TPM2: variants seen among roughly 807,000 people sequenced by gnomAD.
TPM2 encodes tropomyosin beta chain.
TPM2 carries 26 observed loss-of-function variants against 41.0 expected under a neutral mutation model. The ratio of observed to expected loss-of-function variants is 0.63; its 90% CI spans 0.46 to 0.88. The LOEUF is 0.88. Ranked by LOEUF, TPM2 falls within the 40% of genes least tolerant of loss-of-function variation. The pLI is 0.00. For synonymous variants in TPM2, 143 were observed against 139.3 expected, an observed-to-expected ratio of 1.03 and a Z score of -0.19; for missense variants, 187 against 355.2, an observed-to-expected ratio of 0.53 and a Z score of 3.81.
chr9:35,689,108 C>G (rs1162749875), intron 2 of TPM2, 38 bp downstream of exon 2: 2 of 1,613,754 alleles, frequency 1.2e-6, no homozygotes, highest in South Asian at 1.1e-5. Flanking sequence ...CTTCCCAGAG[C>G]CCTAACTCCT....
At chr9:35,690,048 T>C, upstream of TPM2, 1 of 1,351,196 alleles carries the variant, frequency 7.4e-7, no homozygotes, top group Non-Finnish European at 9.5e-7. Flanking sequence ...GGCCGGGGGG[T>C]GCGGCCGCCC....
intron 2 of TPM2, among the ~76,000 whole-genome samples, chr9:35,686,119 G>A (rs1824895044): frequency 6.6e-6 from 1 of 152,134 alleles, no homozygotes. Flanking sequence ...GCATGGTGGC[G>A]CATGCCTGTA....
chr9:35,684,607 C>T, intron 6 of TPM2, 57 bp from the exon 7 acceptor site: 1 of 1,613,658 alleles, frequency 6.2e-7, no homozygotes, highest in Non-Finnish European at 8.5e-7. Context: ...CTTCATTTCT[C>T]CATTGTACCC....
At chr9:35,689,301 C>G in intron 1 of TPM2, 30 bp from the exon 2 acceptor site, 7 of 1,613,548 alleles carry the variant, frequency 4.3e-6, no homozygotes, top group Non-Finnish European at 5.9e-6. Context: ...GTCAGCCAGG[C>G]TGGGAGGGGG....
downstream of TPM2, chr9:35,682,187 G>A: frequency 6.2e-7 from 1 of 1,612,932 alleles, no homozygotes; most frequent in Non-Finnish European, 8.5e-7. Context: ...CAGCAGGTGA[G>A]GGAGAAGGGA....
rs767036414 is a variant in TPM2, at chr9:35,689,681, G to A, written c.114+23C>T. On this transcript the variant is annotated intron_variant, in intron 1 of 8. Coordinates refer to ENST00000645482, the MANE Select transcript of TPM2 (RefSeq NM_003289.4). ...CTTGCCCTAGGCGCGGGGAGAGCAG[G>A]CTGCACTGGGCCCGGCCCTAACCTG... 16 of 1,611,172 alleles carry A rather than the reference G, an allele frequency of 9.9e-6. No individual in the cohort carries two copies. The Admixed American group carries it at 2.5e-4, about 25-fold the overall frequency.
chr9:35,689,047 C>G, intron 2 of TPM2, 99 bp downstream of exon 2: 1 of 1,388,082 alleles, frequency 7.2e-7, no homozygotes, highest in Non-Finnish European at 1.0e-6. Context: ...GCGCTGGGGA[C>G]ATAAGGGGAT....
downstream of TPM2, chr9:35,682,275 T>G (rs1824607178): frequency 4.2e-6 from 5 of 1,180,518 alleles, no homozygotes; most frequent in Admixed American, 3.9e-5. Flanking sequence ...GGAAGACACA[T>G]GCATTCACGG....
downstream of TPM2, chr9:35,682,269 G>T: frequency 8.2e-7 from 1 of 1,223,450 alleles, no homozygotes. Context: ...GGTCAAGGAA[G>T]ACACATGCAT....
At position 35,683,249 on chromosome 9, in the gene TPM2, G is replaced by T. The variant is rs1563926690; in HGVS notation, c.773-8C>A. ...TCTGGGCATAGACTTCATCTGGGGG[G>T]GGTCCAGGGAGGGGACCAGGTGGGA... On this transcript the variant is annotated splice_polypyrimidine_tract_variant and splice_region_variant and intron_variant, in intron 8 of 8. Coordinates refer to ENST00000645482, the MANE Select transcript of TPM2 (RefSeq NM_003289.4). 4 of 1,552,618 alleles carry T rather than the reference G, an allele frequency of 2.6e-6. No homozygotes were observed. The highest frequency in any genetic ancestry group is 1.2e-5 in the South Asian group (1 of 84,360).
At chr9:35,689,438 T>C (rs1385738095) in intron 1 of TPM2, 167 bp from the exon 2 acceptor site, 74 of 967,906 alleles carry the variant, frequency 7.6e-5, no homozygotes, top group Non-Finnish European at 8.8e-5. Context: ...CCGTTGAGGG[T>C]ACAGAGAAAA....
chr9:35,685,587 A>G lies in TPM2; in HGVS notation c.375-36T>C, dbSNP rs528153001. 1.2e-4 allele frequency: 189 copies of G among 1,614,030 alleles called. 3 individuals carry two copies. Among genetic ancestry groups the G allele is most frequent in the Middle Eastern group, 1.2e-3 (7 of 6,062 alleles). ...GGGAGAGGGTGAGCGTAGGGTCAGG[A>G]CCAGCAGAGACAGGCTCCCTTCTCC... On this transcript the variant is annotated intron_variant, in intron 3 of 8. Coordinates refer to ENST00000645482, the MANE Select transcript of TPM2 (RefSeq NM_003289.4). This position sits in a 1 kb window ranked among gnomAD's most constrained non-coding sequence, Gnocchi z 5.0.
Position 35,685,372 on chromosome 9 carries a change from T to A in TPM2, c.493-33A>T, listed in dbSNP as rs760726907. 20 of 1,613,994 alleles carry A rather than the reference T, an allele frequency of 1.2e-5. No individual in the cohort carries two copies. In the East Asian group the frequency reaches 4.2e-4, roughly 34 times the overall value. On this transcript the variant is annotated intron_variant, in intron 4 of 8. Coordinates refer to ENST00000645482, the MANE Select transcript of TPM2 (RefSeq NM_003289.4). The surrounding 1 kb of genome is among the most constrained non-coding windows in gnomAD (Gnocchi z 5.0). ...GAGTGAGAAAGAGAGGGTAGATCAG[T>A]GGAGAAGGACTGGGCATGTTGCAGG...
chr9:35,684,662 C>T (rs1043957661), intron 6 of TPM2, 70 bp downstream of exon 6: 5 of 1,613,600 alleles, frequency 3.1e-6, no homozygotes, highest in Middle Eastern at 1.6e-4. Flanking sequence ...CCCAGCCCCT[C>T]CCTGCCTTGG....
chr9:35,686,244 C>A, intron 2 of TPM2: 1 of 240,854 alleles, frequency 4.2e-6, no homozygotes, highest in Non-Finnish European at 8.2e-6. Flanking sequence ...GAACGAAACT[C>A]CATCTCAAAA....
Position 35,682,976 on chromosome 9 carries a change from T to C in TPM2, c.*183A>G, listed in dbSNP as rs1355277590. 2 of 1,522,520 alleles carry C rather than the reference T, an allele frequency of 1.3e-6. No individual in the cohort carries two copies. Among genetic ancestry groups the C allele is most frequent in the African/African-American group, 1.4e-5 (1 of 72,342 alleles). 94.3% of individuals were successfully genotyped at this position (1,522,520 alleles called of 1,614,324 possible). ...AGCAGCAAAGGAGGGTGGAAGGGGATAGGTAAAGGATGAAGCCAGTGCCAG... is the reference window on the plus strand; with the variant it reads ...AGCAGCAAAGGAGGGTGGAAGGGGACAGGTAAAGGATGAAGCCAGTGCCAG... On this transcript the variant is annotated 3_prime_UTR_variant, in exon 9 of 9. Coordinates refer to ENST00000645482, the MANE Select transcript of TPM2 (RefSeq NM_003289.4).
At chr9:35,683,307 G>A (rs2131846489) in intron 8 of TPM2, 66 bp from the exon 9 acceptor site, 1 of 1,443,912 alleles carries the variant, frequency 6.9e-7, no homozygotes, top group Middle Eastern at 1.7e-4. Flanking sequence ...AAAGAGGAAA[G>A]GAAGGAGAGA....
At chr9:35,686,293 C>T (rs899533181) in intron 2 of TPM2, 7 of 245,048 alleles carry the variant, frequency 2.9e-5, no homozygotes, top group Admixed American at 1.0e-4. Flanking sequence ...TGACAAGCTC[C>T]GCTCCCCTGC....
At chr9:35,682,840 G>T, downstream of TPM2, 7 of 1,415,472 alleles carry the variant, frequency 4.9e-6, no homozygotes, top group Non-Finnish European at 6.6e-6. Flanking sequence ...AGGGGCTGGG[G>T]GTGTCAGTAA....
Sources: allele counts gnomAD v4.1 joint callset (sites outside exome capture counted in the v4.1 genomes callset), GRCh38; gene constraint gnomAD v4.1.1; non-coding constraint Gnocchi (gnomAD v3.1); transcripts MANE v1.5; gene names NCBI Gene and HGNC (gene_info 2026-07-23, HGNC 2026-07-21).